The following SEL1L2 variants were observed in gnomAD, a reference collection of about 807,000 sequenced individuals.
The protein encoded by SEL1L2 is protein sel-1 homolog 2.
SEL1L2 carries 89 observed loss-of-function variants against 98.8 expected under a neutral mutation model. That is an observed-to-expected ratio of 0.90 (90% CI 0.76 to 1.07). The LOEUF is 1.07. Among genes scored for constraint, SEL1L2 ranks in the 50% least tolerant of loss-of-function variants. SEL1L2 has a pLI of 0.00. For synonymous variants in SEL1L2, 262 were observed against 278.5 expected, an observed-to-expected ratio of 0.94 and a Z score of 0.59; for missense variants, 788 against 812.0, an observed-to-expected ratio of 0.97 and a Z score of 0.36.
At chr20:13,871,533 A>G (rs910793597) in intron 12 of SEL1L2, among the ~76,000 whole-genome samples, 15 of 150,030 alleles carry the variant, frequency 1.0e-4, no homozygotes, top group African/African-American at 3.7e-4. Flanking sequence ...TTTTTTTGAG[A>G]CGGAGTCTCA....
chr20:13,983,728 T>A (rs1601041764), intron 1 of SEL1L2, among the ~76,000 whole-genome samples: 1 of 151,510 alleles, frequency 6.6e-6, no homozygotes, highest in South Asian at 2.1e-4. Flanking sequence ...TCCATGTTGG[T>A]CAGGCTGGTC....
chr20:13,927,087 G>C (rs1430646343), intron 3 of SEL1L2, among the ~76,000 whole-genome samples: 1 of 152,064 alleles, frequency 6.6e-6, no homozygotes, highest in Non-Finnish European at 1.5e-5. Flanking sequence ...TTGAAGTTAT[G>C]GTGTTAAAAT....
At chr20:13,900,967 G>T (rs1357237867) in intron 5 of SEL1L2, among the ~76,000 whole-genome samples, 2 of 151,814 alleles carry the variant, frequency 1.3e-5, no homozygotes, top group Admixed American at 6.6e-5. Flanking sequence ...CTTTGTTCTC[G>T]AATTCATTAT....
chr20:13,964,778 T>G (rs2050964059), intron 1 of SEL1L2, among the ~76,000 whole-genome samples: 1 of 151,994 alleles, frequency 6.6e-6, no homozygotes, highest in African/African-American at 2.4e-5. Flanking sequence ...ATTCTTGAAA[T>G]CTAGCTTTTA....
At chr20:13,870,046 A>G in intron 13 of SEL1L2, 95 bp downstream of exon 13, 1 of 873,060 alleles carries the variant, frequency 1.1e-6, no homozygotes, top group Non-Finnish European at 1.8e-6. Flanking sequence ...GGCAAACCAG[A>G]TAATAGAGAT....
At chr20:13,935,277 TCA>T (rs1161079665) in intron 2 of SEL1L2, among the ~76,000 whole-genome samples, 1 of 152,196 alleles carries the variant, frequency 6.6e-6, no homozygotes, top group Non-Finnish European at 1.5e-5. Context: ...AGCATTGCTC[TCA>T]GTCCCTGCTC....
At chr20:13,914,154 T>C (rs975218691) in intron 4 of SEL1L2, among the ~76,000 whole-genome samples, 4 of 152,146 alleles carry the variant, frequency 2.6e-5, no homozygotes, top group African/African-American at 9.7e-5. Context: ...CAAATAATAA[T>C]GCTACTAAAA....
intron 18 of SEL1L2, among the ~76,000 whole-genome samples, chr20:13,854,922 G>A (rs1234913264): frequency 2.0e-5 from 3 of 151,978 alleles, no homozygotes; most frequent in South Asian, 2.1e-4. Context: ...ATAGTGGTGC[G>A]TGCCTGTAGT....
intron 1 of SEL1L2, among the ~76,000 whole-genome samples, chr20:13,988,818 G>C (rs1162827023): frequency 6.6e-6 from 1 of 152,068 alleles, no homozygotes; most frequent in Admixed American, 6.6e-5. Context: ...TTAAAGACCA[G>C]CCTGGCCAAC....
intron 1 of SEL1L2, among the ~76,000 whole-genome samples, chr20:13,969,304 G>A (rs1354519956): frequency 6.6e-6 from 1 of 152,058 alleles, no homozygotes. Flanking sequence ...CCAATATTCT[G>A]CCCCTGTCAA....
intron 2 of SEL1L2, among the ~76,000 whole-genome samples, chr20:13,936,134 G>A (rs2049440917): frequency 6.6e-6 from 1 of 152,162 alleles, no homozygotes; most frequent in Admixed American, 6.5e-5. Context: ...TCACTTCCCT[G>A]TATCTTGAAG....
In SEL1L2 at chr20:13,919,060, T is replaced by G. The variant is rs1460467813; in HGVS notation, c.347A>C (p.Lys116Thr). 1 of 1,613,874 alleles carries G rather than the reference T, an allele frequency of 6.2e-7. No individual in the cohort carries two copies. Among genetic ancestry groups the G allele is most frequent in the Non-Finnish European group, 8.5e-7 (1 of 1,179,932 alleles). ...TTGGCTTTTAGACTGCTGGAGAACC[T>G]TGATGCCCATCTTAAATAGCTGGTC... ...EGDQLFKMGI[K>T]VLQQSKSQKQ... The change falls in exon 4 of 20, where the codon AAG (lysine) becomes ACG (threonine). Residue 116 changes from lysine to threonine, a missense_variant. By Grantham distance (78) the Lys-to-Thr change is moderately conservative. Transcript: ENST00000284951.
intron 1 of SEL1L2, among the ~76,000 whole-genome samples, chr20:13,971,919 ACT>A (rs753857403): frequency 8.6e-5 from 13 of 151,430 alleles, no homozygotes; most frequent in Non-Finnish European, 1.5e-4. Flanking sequence ...CCATTTTTTA[ACT>A]CTCTGTTCTG....
intron 3 of SEL1L2, among the ~76,000 whole-genome samples, chr20:13,923,385 G>A (rs565615624): frequency 7.2e-5 from 11 of 152,182 alleles, no homozygotes; most frequent in Admixed American, 2.0e-4. Context: ...CAGCAGAATC[G>A]TATAGATTCC....
chr20:13,874,478 C>T (rs2046349887), intron 12 of SEL1L2, among the ~76,000 whole-genome samples: 1 of 152,112 alleles, frequency 6.6e-6, no homozygotes, highest in Non-Finnish European at 1.5e-5. Flanking sequence ...CTGGTTGGTT[C>T]CACAACCCTG....
chr20:13,955,374 C>T (rs1195124615), intron 2 of SEL1L2, among the ~76,000 whole-genome samples: 1 of 151,776 alleles, frequency 6.6e-6, no homozygotes, highest in African/African-American at 2.4e-5. Context: ...GGAAGGGAGC[C>T]CTATGGACAT....
At chr20:13,981,398 T>C (rs980114989) in intron 1 of SEL1L2, among the ~76,000 whole-genome samples, 5 of 152,240 alleles carry the variant, frequency 3.3e-5, no homozygotes, top group African/African-American at 7.2e-5. Flanking sequence ...ATGGTGACTA[T>C]AGTTAATAAC....
At chr20:13,882,580 C>G (rs533795121) in intron 10 of SEL1L2, among the ~76,000 whole-genome samples, 5 of 152,272 alleles carry the variant, frequency 3.3e-5, no homozygotes, top group Admixed American at 2.6e-4. Flanking sequence ...ATGAAGCCAT[C>G]ATAAACCAGC....
intron 12 of SEL1L2, among the ~76,000 whole-genome samples, chr20:13,872,857 C>G (rs1388413197): frequency 1.3e-5 from 2 of 152,106 alleles, no homozygotes; most frequent in Non-Finnish European, 2.9e-5. Context: ...GTAGTGGAGA[C>G]AGTGGTGCAG....
Sources: gnomAD v4.1 joint callset for allele counts (sites outside exome capture counted in the v4.1 genomes callset) on GRCh38, gnomAD v4.1.1 for gene constraint, MANE v1.5 for transcripts, NCBI Gene and HGNC (gene_info 2026-07-23, HGNC 2026-07-21) for gene names.